The following GALNT13 variants were observed in gnomAD, a reference collection of about 807,000 sequenced individuals.
The protein encoded by GALNT13 is polypeptide N-acetylgalactosaminyltransferase 13.
In GALNT13, 28 loss-of-function variants were observed where a neutral mutation model predicts 64.2. The observed-to-expected ratio is 0.44, with a 90% CI of 0.32 to 0.60. The LOEUF is 0.60. GALNT13 is among the 20% of genes least tolerant of loss of function. The pLI is 0.05. For synonymous variants in GALNT13, 214 were observed against 224.6 expected (o/e 0.95, Z 0.42); for missense variants, 577 against 669.8 (o/e 0.86, Z 1.53).
chr2:154,254,031 T>C (rs1229445993), intron 7 of GALNT13, among the ~76,000 whole-genome samples: 2 of 152,062 alleles, frequency 1.3e-5, no homozygotes, highest in Non-Finnish European at 2.9e-5. Context: ...GAGTATGTCT[T>C]GATTGAGGGA....
chr2:154,284,473 G>T (rs1320945299), intron 8 of GALNT13, among the ~76,000 whole-genome samples: 1 of 150,920 alleles, frequency 6.6e-6, no homozygotes, highest in East Asian at 1.9e-4. Flanking sequence ...ACATGCCATT[G>T]TGCATATATA....
chr2:153,837,943 A>G, the GALNT13 span, among the ~76,000 whole-genome samples: 3 of 152,004 alleles, frequency 2.0e-5, no homozygotes, highest in East Asian at 5.8e-4. Context: ...TTATCATTTG[A>G]CTTTTTAATA....
chr2:154,120,413 A>G (rs1004780953), intron 3 of GALNT13, among the ~76,000 whole-genome samples: 7 of 152,222 alleles, frequency 4.6e-5, no homozygotes, highest in African/African-American at 1.7e-4. Context: ...AAATAGGACC[A>G]GAGTCTATGC....
the GALNT13 span, among the ~76,000 whole-genome samples, chr2:153,572,001 A>G: frequency 6.6e-6 from 1 of 151,610 alleles, no homozygotes; most frequent in South Asian, 2.1e-4. Flanking sequence ...TCTATTTTTT[A>G]GAATAGTTGG....
the GALNT13 span, among the ~76,000 whole-genome samples, chr2:153,182,698 T>C: frequency 6.6e-6 from 1 of 152,196 alleles, no homozygotes; most frequent in African/African-American, 2.4e-5. Context: ...CACTTATTAG[T>C]GAGAACATGA....
At chr2:154,211,461 T>G (rs1355537129) in intron 4 of GALNT13, among the ~76,000 whole-genome samples, 2 of 150,952 alleles carry the variant, frequency 1.3e-5, no homozygotes, top group Non-Finnish European at 3.0e-5. Context: ...ACCCTGTCTC[T>G]ACTAAAAATA....
the GALNT13 span, among the ~76,000 whole-genome samples, chr2:153,746,152 A>G: frequency 4.6e-5 from 7 of 152,218 alleles, no homozygotes. Context: ...ATACATGCAT[A>G]GCAGTACAAA....
chr2:154,152,123 C>G (rs1684072772), intron 4 of GALNT13, among the ~76,000 whole-genome samples: 1 of 152,118 alleles, frequency 6.6e-6, no homozygotes, highest in South Asian at 2.1e-4. Context: ...TAGGGCAGGC[C>G]TGGTGGTGAC....
chr2:154,417,302 A>C (rs1431003929), intron 11 of GALNT13, among the ~76,000 whole-genome samples: 1 of 150,840 alleles, frequency 6.6e-6, no homozygotes, highest in Non-Finnish European at 1.5e-5. Flanking sequence ...AAAAAAAAAA[A>C]ACCTGAAAGA....
At chr2:154,255,879 C>G (rs1003141245) in intron 7 of GALNT13, among the ~76,000 whole-genome samples, 2 of 151,954 alleles carry the variant, frequency 1.3e-5, no homozygotes, top group Non-Finnish European at 2.9e-5. Context: ...TAGCAAAACT[C>G]TGTCTCTACA....
chr2:154,187,618 C>T lies in GALNT13; in HGVS notation c.311+47113C>T, dbSNP rs2105746304. Among the ~76,000 whole-genome samples the T allele has an allele frequency of 2.0e-5, 3 of 152,040 alleles. No individual in the cohort carries two copies. In the South Asian group the frequency reaches 6.2e-4, roughly 32 times the overall value. ...ATTGTTTTATTACTTATCCTTATTA[C>T]ACTACATGACTCATTAAAGTTATAG... On this transcript the variant is annotated intron_variant, in intron 4 of 12. Coordinates refer to ENST00000392825, the MANE Select transcript of GALNT13 (RefSeq NM_052917.4).
intron 4 of GALNT13, among the ~76,000 whole-genome samples, chr2:154,168,094 G>C (rs1336274199): frequency 6.6e-6 from 1 of 152,134 alleles, no homozygotes; most frequent in Non-Finnish European, 1.5e-5. Context: ...GCAGTATCTG[G>C]CCCAGGCAGG....
the GALNT13 span, among the ~76,000 whole-genome samples, chr2:153,139,632 A>G: frequency 6.6e-6 from 1 of 152,032 alleles, no homozygotes; most frequent in African/African-American, 2.4e-5. Flanking sequence ...AGGACAACAA[A>G]AGCAAAGGCA....
At chr2:153,743,030 G>A in the GALNT13 span, among the ~76,000 whole-genome samples, 1 of 92,716 alleles carries the variant, frequency 1.1e-5, no homozygotes, top group Non-Finnish European at 2.2e-5. Context: ...GAAGGTGGGG[G>A]AGGGGAGGGG....
chr2:153,404,606 TTCTC>T, the GALNT13 span, among the ~76,000 whole-genome samples: 1 of 152,196 alleles, frequency 6.6e-6, no homozygotes, highest in Non-Finnish European at 1.5e-5. Context: ...TCTACATCAT[TTCTC>T]TCTGATAATA....
the GALNT13 span, among the ~76,000 whole-genome samples, chr2:153,840,625 G>A: frequency 6.6e-6 from 1 of 152,116 alleles, no homozygotes; most frequent in African/African-American, 2.4e-5. Context: ...TAAAGGCAGA[G>A]CATAAGTAAA....
the GALNT13 span, among the ~76,000 whole-genome samples, chr2:153,725,178 C>T: frequency 3.8e-4 from 54 of 143,874 alleles, no homozygotes; most frequent in Non-Finnish European, 7.0e-4. Context: ...AAATTGGAAA[C>T]CATCATTCTC....
chr2:153,570,193 T>A, the GALNT13 span, among the ~76,000 whole-genome samples: 866 of 152,260 alleles, frequency 5.7e-3, 10 homozygotes, highest in African/African-American at 0.019. Flanking sequence ...TCTCTGATGA[T>A]CAGTGATGTT....
At chr2:153,377,411 C>T in the GALNT13 span, among the ~76,000 whole-genome samples, 1 of 151,956 alleles carries the variant, frequency 6.6e-6, no homozygotes, top group Non-Finnish European at 1.5e-5. Flanking sequence ...GGGGGTGGGG[C>T]CTAGCAAGAG....
Sources: gnomAD v4.1 joint callset for allele counts (sites outside exome capture counted in the v4.1 genomes callset) on GRCh38, gnomAD v4.1.1 for gene constraint, MANE v1.5 for transcripts, NCBI Gene and HGNC (gene_info 2026-07-23, HGNC 2026-07-21) for gene names.